FREM1: variants seen among roughly 807,000 people sequenced by gnomAD.
FREM1 encodes FRAS1 related extracellular matrix 1, also known as FRAS1-related extracellular matrix protein 1.
Under a neutral mutation model 210.1 loss-of-function variants are expected in FREM1, and 220 were observed. That is an observed-to-expected ratio of 1.05 (90% CI 0.94 to 1.17). The LOEUF (loss-of-function observed/expected upper bound fraction) is 1.17. Among genes scored for constraint, FREM1 ranks in the 50% most tolerant of loss-of-function variants. FREM1 has a pLI of 0.00. For synonymous variants in FREM1, 1,189 were observed against 980.2 expected (o/e 1.21, Z -3.98); for missense variants, 3,454 against 2,675.5 (o/e 1.29, Z -6.42).
In FREM1 at chr9:14,860,916, TACAC is replaced by T. The variant is rs1322335304; in HGVS notation, c.330-1436_330-1433del. On this transcript the variant is annotated intron_variant, in intron 3 of 36. Coordinates refer to ENST00000380880, the MANE Select transcript of FREM1 (RefSeq NM_001379081.2). ...ATACATATATACACATATACACATATACACATATATACACATATACACACATATA... is the reference window on the plus strand; with the variant it reads ...ATACATATATACACATATACACATATATATATACACATATACACACATATA... Among the ~76,000 whole-genome samples, 7 of 118,060 alleles carry T rather than the reference TACAC, an allele frequency of 5.9e-5. 3 individuals are homozygous for T. The highest frequency in any genetic ancestry group is 3.1e-4 in the African/African-American group (7 of 22,290). 77.5% of individuals were successfully genotyped at this position (118,060 alleles called of 152,430 possible).
At position 14,859,182 on chromosome 9, in the gene FREM1, C is replaced by A; in HGVS notation, c.631+1G>T. On this transcript the variant is annotated splice_donor_variant, in intron 4 of 36. Coordinates refer to ENST00000380880, the MANE Select transcript of FREM1 (RefSeq NM_001379081.2). LOFTEE classifies it high-confidence loss of function. ...CAGAAAGGCATTAAAAGACATCATACGGGACTCTGGGAAAAAACTGTGTGG... is the reference window on the plus strand; with the variant it reads ...CAGAAAGGCATTAAAAGACATCATAAGGGACTCTGGGAAAAAACTGTGTGG... 2 of 1,569,180 alleles carry A rather than the reference C, an allele frequency of 1.3e-6. No homozygotes were observed. Among genetic ancestry groups the A allele is most frequent in the Admixed American group, 1.9e-5 (1 of 53,022 alleles).
chr9:14,839,097 A>T (rs1033443181), intron 10 of FREM1, among the ~76,000 whole-genome samples: 1 of 152,204 alleles, frequency 6.6e-6, no homozygotes, highest in African/African-American at 2.4e-5. Context: ...GATTTGGTTA[A>T]TCACCTCTAT....
At chr9:14,739,954 G>A (rs1841226451) in intron 36 of FREM1, among the ~76,000 whole-genome samples, 195 bp downstream of exon 36, 1 of 152,038 alleles carries the variant, frequency 6.6e-6, no homozygotes, top group Non-Finnish European at 1.5e-5. Flanking sequence ...TGGGATAGAT[G>A]TCTAAAAATG....
At chr9:14,896,054 C>G (rs1262725926) in intron 1 of FREM1, among the ~76,000 whole-genome samples, 1 of 152,058 alleles carries the variant, frequency 6.6e-6, no homozygotes, top group African/African-American at 2.4e-5. Flanking sequence ...GAGAGGAGGT[C>G]AGCACAAGAT....
At chr9:14,821,674 C>G (rs1348136347) in intron 13 of FREM1, among the ~76,000 whole-genome samples, 1 of 152,062 alleles carries the variant, frequency 6.6e-6, no homozygotes, top group East Asian at 1.9e-4. Context: ...GGTTTTCTAC[C>G]AAAGATGGCA....
In FREM1 at chr9:14,780,433, G is replaced by GAAAAAAAAAAAAAAAAAAA. The variant is rs58017285; in HGVS notation, c.4442+3936_4442+3937insTTTTTTTTTTTTTTTTTTT. ...AATCATAAATAGCGCCAGCTCCTCA[G>GAAAAAAAAAAAAAAAAAAA]AAAAAAAAAAAAAAAAAGTCCAGCC... On this transcript the variant is annotated intron_variant, in intron 24 of 36. Coordinates refer to ENST00000380880, the MANE Select transcript of FREM1 (RefSeq NM_001379081.2). Among the ~76,000 whole-genome samples, 162 of 81,494 alleles carry GAAAAAAAAAAAAAAAAAAA rather than the reference G, an allele frequency of 2.0e-3. 13 individuals carry two copies. The highest frequency in any genetic ancestry group is 7.5e-3 in the Middle Eastern group (1 of 134). The allele number at this position is 81,494 out of a possible 152,430, so 53.5% of individuals were successfully genotyped here. A position where few individuals can be genotyped will look rare whatever the true frequency, so the allele number is the denominator to read the frequency against.
At chr9:14,897,413 G>A (rs1343498284) in intron 1 of FREM1, among the ~76,000 whole-genome samples, 12 of 152,046 alleles carry the variant, frequency 7.9e-5, no homozygotes, top group Admixed American at 3.9e-4. Flanking sequence ...ATGAGGAAAC[G>A]GGGGCCCAAA....
intron 15 of FREM1, among the ~76,000 whole-genome samples, chr9:14,814,723 G>T (rs945173184): frequency 6.6e-6 from 1 of 152,136 alleles, no homozygotes; most frequent in African/African-American, 2.4e-5. Context: ...GTTCACAAAA[G>T]AGTCTCAGCT....
intron 2 of FREM1, among the ~76,000 whole-genome samples, chr9:14,866,040 G>A (rs901737967): frequency 3.9e-5 from 6 of 152,144 alleles, no homozygotes; most frequent in African/African-American, 1.4e-4. Context: ...AAATCCATTT[G>A]AGATGTCATA....
chr9:14,903,670 T>C (rs1817116170), intron 1 of FREM1, among the ~76,000 whole-genome samples: 1 of 152,204 alleles, frequency 6.6e-6, no homozygotes, highest in African/African-American at 2.4e-5. Context: ...TATGCCTATG[T>C]GTTTTGAAGG....
intron 24 of FREM1, among the ~76,000 whole-genome samples, chr9:14,780,411 C>T (rs1453081438): frequency 8.7e-6 from 1 of 115,496 alleles, no homozygotes; most frequent in Non-Finnish European, 1.8e-5. Context: ...AAAATGGAAT[C>T]ATAAATAGCG....
Position 14,784,441 on chromosome 9 carries a change from T to A in FREM1, c.4371A>T (p.Gln1457His), listed in dbSNP as rs1319125967. ...AAACTGTCTGCCCCACTACATCCAT[T>A]TGGCTGAAGTTTGTAATGGGAACTC... ...YPGVPITNFS[Q>H]MDVVGQTVCY... The change falls in exon 24 of 37, where the codon CAA becomes CAT. Residue 1457 changes from glutamine (Q) to histidine (H), a missense_variant. Physicochemically the swap from Gln to His is conservative, Grantham distance 24. Coordinates refer to ENST00000380880, the MANE Select transcript of FREM1 (RefSeq NM_001379081.2). 1 of 1,613,834 alleles carries A rather than the reference T, an allele frequency of 6.2e-7. No individual in the cohort carries two copies. Among genetic ancestry groups the A allele is most frequent in the South Asian group, 1.1e-5 (1 of 91,066 alleles).
At chr9:14,799,077 G>A (rs1355262868) in intron 20 of FREM1, among the ~76,000 whole-genome samples, 3 of 151,560 alleles carry the variant, frequency 2.0e-5, no homozygotes, top group African/African-American at 7.3e-5. Flanking sequence ...CCAGGAGTTC[G>A]AGACCAGCCT....
intron 24 of FREM1, chr9:14,779,342 G>A: frequency 3.8e-6 from 1 of 262,082 alleles, no homozygotes; most frequent in East Asian, 1.8e-4. Context: ...TTTAGCATTA[G>A]CATTAATTGT....
At chr9:14,777,754 G>A (rs534273582) in intron 24 of FREM1, among the ~76,000 whole-genome samples, 1 of 152,198 alleles carries the variant, frequency 6.6e-6, no homozygotes, top group South Asian at 2.1e-4. Context: ...TTGTCCTTCA[G>A]GGTTTGAGCA....
Position 14,756,245 on chromosome 9 carries a change from T to A in FREM1, c.5407+129A>T, listed in dbSNP as rs1844331502. The A allele has an allele frequency of 1.0e-5, 7 of 671,404 alleles. No homozygotes were observed. The South Asian group carries it at 1.3e-4, about 13-fold the overall frequency. The allele number at this position is 671,404 out of a possible 1,614,324, so 41.6% of individuals were successfully genotyped here. A position where few individuals can be genotyped will look rare whatever the true frequency, so the allele number is the denominator to read the frequency against. ...ACCTCTCTTTTAGAGTGAGGTGGTA[T>A]GGCTCCCTGAGGAGTTTCTAGTTGG... On this transcript the variant is annotated intron_variant, in intron 29 of 36. Coordinates refer to ENST00000380880, the MANE Select transcript of FREM1 (RefSeq NM_001379081.2).
chr9:14,905,994 T>C (rs913259563), intron 1 of FREM1, among the ~76,000 whole-genome samples: 2 of 152,204 alleles, frequency 1.3e-5, no homozygotes, highest in Non-Finnish European at 1.5e-5. Flanking sequence ...TCCCCAGACA[T>C]TGGGATCTGG....
At chr9:14,789,618 T>G (rs1160382526) in intron 22 of FREM1, among the ~76,000 whole-genome samples, 3 of 152,224 alleles carry the variant, frequency 2.0e-5, no homozygotes, top group Admixed American at 6.5e-5. Flanking sequence ...CCAGTATGTT[T>G]CCAGCCTTAC....
At chr9:14,742,889 C>G (rs922452848) in intron 35 of FREM1, among the ~76,000 whole-genome samples, 2 of 152,050 alleles carry the variant, frequency 1.3e-5, no homozygotes, top group African/African-American at 4.8e-5. Flanking sequence ...CTTAGGGGAC[C>G]TGTTTTAGAG....
Sources: gnomAD v4.1 joint callset for allele counts (sites outside exome capture counted in the v4.1 genomes callset) on GRCh38, gnomAD v4.1.1 for gene constraint, MANE v1.5 for transcripts, NCBI Gene and HGNC (gene_info 2026-07-23, HGNC 2026-07-21) for gene names.